The following RAD54L2 variants were observed in gnomAD, a reference collection of about 807,000 sequenced individuals.
RAD54L2 encodes the protein helicase ARIP4.
A neutral mutation model predicts 138.4 loss-of-function variants in RAD54L2; 27 were observed. The observed-to-expected ratio is 0.20, with a 90% CI of 0.14 to 0.27. The LOEUF is 0.27. RAD54L2 is among the 10% of genes least tolerant of loss of function. The pLI, the probability that RAD54L2 is intolerant of heterozygous loss-of-function variation, is 1.00. For synonymous variants in RAD54L2, 644 were observed against 723.2 expected (o/e 0.89, Z 1.76); for missense variants, 1,396 against 1,890.2 (o/e 0.74, Z 4.85).
chr3:51,660,103 C>A lies in RAD54L2; in HGVS notation c.3394C>A (p.Arg1132=). The change falls in exon 22 of 23, where the codon CGG becomes AGG. Residue 1132 remains arginine, a synonymous_variant. Transcript: ENST00000684192. ...CAAACCAAAGGTTCCTGAAGATGGTCGGATGGCTGCCTCAGGTGTGATGGC... is the reference window on the plus strand; with the variant it reads ...CAAACCAAAGGTTCCTGAAGATGGTAGGATGGCTGCCTCAGGTGTGATGGC... ...TGKPKVPEDG[R]MAASGSQGPS... is the part of the protein sequence containing the mutation. The A allele has an allele frequency of 1.2e-6, 2 of 1,600,222 alleles. No homozygotes were observed. Among genetic ancestry groups the A allele is most frequent in the South Asian group, 2.2e-5 (2 of 90,342 alleles).
At chr3:51,656,286 C>G (rs750258801) in intron 20 of RAD54L2, 116 bp downstream of exon 20, 1 of 992,772 alleles carries the variant, frequency 1.0e-6, no homozygotes, top group Non-Finnish European at 1.4e-6. Context: ...ATTTGGCACT[C>G]TTGGTAAAAA....
At chr3:51,641,698 A>G (rs1701140535) in intron 14 of RAD54L2, 51 bp from the exon 15 acceptor site, 1 of 1,255,776 alleles carries the variant, frequency 8.0e-7, no homozygotes, top group African/African-American at 1.5e-5. Context: ...TATTGGGAAC[A>G]ATGTTCCCTC....
intron 2 of RAD54L2, among the ~76,000 whole-genome samples, chr3:51,577,192 G>A (rs1435387594): frequency 2.6e-5 from 4 of 152,198 alleles, no homozygotes; most frequent in African/African-American, 7.2e-5. Flanking sequence ...TAATTTGATT[G>A]CACTGTGGTC....
At chr3:51,542,785 G>A (rs1040800490) in intron 2 of RAD54L2, among the ~76,000 whole-genome samples, 9 of 152,086 alleles carry the variant, frequency 5.9e-5, no homozygotes, top group African/African-American at 2.2e-4. Flanking sequence ...ATTCAGTGCC[G>A]GTAGGCAGGA....
At chr3:51,628,493 G>A (rs960424042) in intron 4 of RAD54L2, among the ~76,000 whole-genome samples, 3 of 151,858 alleles carry the variant, frequency 2.0e-5, no homozygotes, top group South Asian at 2.1e-4. Context: ...GTGTTCTAGC[G>A]GTTCTTGTGC....
intron 2 of RAD54L2, among the ~76,000 whole-genome samples, chr3:51,583,633 G>A (rs1054290630): frequency 2.1e-5 from 3 of 145,774 alleles, no homozygotes; most frequent in Non-Finnish European, 3.0e-5. Flanking sequence ...CTCCATGTTA[G>A]TCAGGCTGAT....
intron 3 of RAD54L2, among the ~76,000 whole-genome samples, chr3:51,612,236 G>A (rs1290887183): frequency 1.3e-5 from 2 of 152,082 alleles, no homozygotes; most frequent in African/African-American, 2.4e-5. Flanking sequence ...AGGCTGAGGC[G>A]GGCAGATCAC....
intron 2 of RAD54L2, among the ~76,000 whole-genome samples, chr3:51,567,359 A>G (rs1699240231): frequency 6.6e-6 from 1 of 151,768 alleles, no homozygotes; most frequent in African/African-American, 2.4e-5. Flanking sequence ...TTCTTGTCCA[A>G]CTCGTTAGAT....
At chr3:51,608,197 G>T (rs2106751850) in intron 3 of RAD54L2, among the ~76,000 whole-genome samples, 1 of 151,904 alleles carries the variant, frequency 6.6e-6, no homozygotes, top group East Asian at 2.0e-4. Flanking sequence ...CGGGGTCGCG[G>T]CCGGGCAGAG....
intron 2 of RAD54L2, among the ~76,000 whole-genome samples, chr3:51,573,949 A>G (rs980941550): frequency 1.4e-4 from 22 of 151,856 alleles, no homozygotes; most frequent in Non-Finnish European, 3.1e-4. Flanking sequence ...TGCACCCATT[A>G]ACTCGTCATT....
chr3:51,645,338 A>T lies in RAD54L2; in HGVS notation c.2656+109A>T. 8.3e-7 allele frequency: 1 copy of T among 1,198,198 alleles called. No homozygotes were observed. Among genetic ancestry groups the T allele is most frequent in the Non-Finnish European group, 1.2e-6 (1 of 847,900 alleles). 74.2% of individuals were successfully genotyped at this position (1,198,198 alleles called of 1,614,324 possible). A position where few individuals can be genotyped will look rare whatever the true frequency, so the allele number is the denominator to read the frequency against. The stretch of plus-strand genomic sequence containing the variant: ...ATGGGAACACAGGCAGGCTTCGAGA[A>T]AGCCAGCATTTCCTCCTATCTCATT... On this transcript the variant is annotated intron_variant, in intron 17 of 22. Transcript: ENST00000684192. This position sits in a 1 kb window ranked among gnomAD's most constrained non-coding sequence, Gnocchi z 6.1.
intron 19 of RAD54L2, among the ~76,000 whole-genome samples, chr3:51,653,260 T>C: frequency 6.6e-6 from 1 of 152,274 alleles, no homozygotes; most frequent in East Asian, 1.9e-4. Context: ...AGAATGGTGA[T>C]CATTAAAAAG....
At chr3:51,572,557 G>C (rs1049182608) in intron 2 of RAD54L2, among the ~76,000 whole-genome samples, 3 of 151,320 alleles carry the variant, frequency 2.0e-5, no homozygotes, top group African/African-American at 7.3e-5. Context: ...GGCAGAGGTT[G>C]CAGTGAGCTA....
intron 3 of RAD54L2, among the ~76,000 whole-genome samples, chr3:51,612,034 CTAAA>C (rs959302948): frequency 6.6e-6 from 1 of 152,158 alleles, no homozygotes; most frequent in African/African-American, 2.4e-5. Flanking sequence ...GGAAATCAAA[CTAAA>C]TATGTGATTC....
chr3:51,589,659 T>G (rs190382423), intron 2 of RAD54L2, among the ~76,000 whole-genome samples: 162 of 135,612 alleles, frequency 1.2e-3, no homozygotes, highest in Admixed American at 5.3e-3. Context: ...GGTTGGGGAC[T>G]CTATACATAT....
At chr3:51,557,720 C>G (rs1190054514) in intron 2 of RAD54L2, among the ~76,000 whole-genome samples, 2 of 147,792 alleles carry the variant, frequency 1.4e-5, no homozygotes, top group Non-Finnish European at 3.0e-5. Flanking sequence ...ATGCTAGCTA[C>G]TTGGAAGGCT....
chr3:51,648,517 T>C (rs1482155462), intron 19 of RAD54L2, among the ~76,000 whole-genome samples: 1 of 152,324 alleles, frequency 6.6e-6, no homozygotes, highest in Non-Finnish European at 1.5e-5. Flanking sequence ...CTGACCCCCA[T>C]GTAGCCTAAC....
At chr3:51,555,299 A>T (rs1698936393) in intron 2 of RAD54L2, among the ~76,000 whole-genome samples, 1 of 151,106 alleles carries the variant, frequency 6.6e-6, no homozygotes, top group South Asian at 2.2e-4. Flanking sequence ...TACTGAGATG[A>T]TGTTATATGT....
chr3:51,619,928 G>A (rs372890799), intron 3 of RAD54L2, among the ~76,000 whole-genome samples: 10 of 152,212 alleles, frequency 6.6e-5, no homozygotes, highest in Middle Eastern at 3.4e-3. Context: ...TGTAGAGACT[G>A]CATTCTGCTG....
Sources: allele counts gnomAD v4.1 joint callset (sites outside exome capture counted in the v4.1 genomes callset), GRCh38; gene constraint gnomAD v4.1.1; non-coding constraint Gnocchi (gnomAD v3.1); transcripts MANE v1.5; gene names NCBI Gene and HGNC (gene_info 2026-07-23, HGNC 2026-07-21).